The following TPST2 variants were observed in gnomAD, a reference collection of about 807,000 sequenced individuals.
TPST2 encodes the protein protein-tyrosine sulfotransferase 2.
In TPST2, 16 loss-of-function variants were observed where a neutral mutation model predicts 27.8. That is an observed-to-expected ratio of 0.58 (90% CI 0.39 to 0.88). The LOEUF (loss-of-function observed/expected upper bound fraction) is 0.88. TPST2 is among the 40% of genes least tolerant of loss of function. The pLI is 0.00. For missense variants in TPST2, 464 were observed against 543.1 expected (o/e 0.85, Z 1.45); for synonymous variants, 229 against 231.7 (o/e 0.99, Z 0.10).
chr22:26,548,127 T>C (rs1236849491), intron 1 of TPST2, among the ~76,000 whole-genome samples: 1 of 152,122 alleles, frequency 6.6e-6, no homozygotes, highest in African/African-American at 2.4e-5. Flanking sequence ...AATTTCAAAA[T>C]CTGAAATGCT....
At chr22:26,575,076 C>T (rs1278203126) in intron 1 of TPST2, among the ~76,000 whole-genome samples, 2 of 152,114 alleles carry the variant, frequency 1.3e-5, no homozygotes, top group Non-Finnish European at 1.5e-5. Context: ...ACCCTAGATG[C>T]AGGGGTAAGA....
intron 1 of TPST2, among the ~76,000 whole-genome samples, chr22:26,585,137 G>C (rs1186398911): frequency 6.6e-6 from 1 of 152,212 alleles, no homozygotes; most frequent in Non-Finnish European, 1.5e-5. Context: ...TGGAGCACCT[G>C]GATTCTAATA....
At chr22:26,586,878 G>A (rs916635439) in intron 1 of TPST2, among the ~76,000 whole-genome samples, 1 of 152,212 alleles carries the variant, frequency 6.6e-6, no homozygotes, top group African/African-American at 2.4e-5. Context: ...CAAAGAGTGT[G>A]AAGGAAGAAA....
In TPST2 at chr22:26,524,359, T is replaced by G. The variant is rs1161002080; in HGVS notation, c.*1916A>C. On this transcript the variant is annotated 3_prime_UTR_variant, in exon 7 of 7. Coordinates refer to ENST00000338754, the MANE Select transcript of TPST2 (RefSeq NM_003595.5). Reference sequence around the variant, plus strand: ...CTCGTCTCTACAGAAAAAAAAAAATTTAAAAAGTAGCCAGGTGTGGTGGCA... The same window carrying G: ...CTCGTCTCTACAGAAAAAAAAAAATGTAAAAAGTAGCCAGGTGTGGTGGCA... 1 of 151,792 alleles carries G rather than the reference T, an allele frequency of 6.6e-6. No individual in the cohort carries two copies. The highest frequency in any genetic ancestry group is 2.4e-5 in the African/African-American group (1 of 41,294). The allele number at this position is 151,792 out of a possible 1,614,324, so 9.4% of individuals were successfully genotyped here.
At chr22:26,557,668 G>A (rs1926870550) in intron 1 of TPST2, among the ~76,000 whole-genome samples, 1 of 151,800 alleles carries the variant, frequency 6.6e-6, no homozygotes, top group Admixed American at 6.6e-5. Flanking sequence ...AGGGGACACA[G>A]GCTCTCTCTG....
At chr22:26,552,984 C>T (rs533930438) in intron 1 of TPST2, among the ~76,000 whole-genome samples, 145 of 146,646 alleles carry the variant, frequency 9.9e-4, no homozygotes, top group African/African-American at 3.5e-3. Flanking sequence ...TGCTTGAACC[C>T]GGGAGGCGGA....
At position 26,541,517 on chromosome 22, in the gene TPST2, C is replaced by T. The variant is rs754140877; in HGVS notation, c.114G>A (p.Leu38=). 39 of 1,611,360 alleles carry T rather than the reference C, an allele frequency of 2.4e-5. No homozygotes were observed. The highest frequency in any genetic ancestry group is 3.1e-5 in the Non-Finnish European group (37 of 1,179,030). Residue 38 remains leucine (L), a synonymous_variant, in exon 3 of 7, where the codon CTG becomes CTA. Transcript: ENST00000338754. The surrounding 1 kb of genome is among the most constrained non-coding windows in gnomAD (Gnocchi z 5.9). The part of the protein sequence containing the change: ...VLECRAVLAG[L]RSPRGAMRPE... ...GCCGCATGGCCCCCCGGGGGCTCCG[C>T]AGGCCCGCCAGCACCGCCCGGCACT...
At chr22:26,563,689 A>G (rs1279635849) in intron 1 of TPST2, among the ~76,000 whole-genome samples, 1 of 152,116 alleles carries the variant, frequency 6.6e-6, no homozygotes, top group African/African-American at 2.4e-5. Flanking sequence ...CCATTCAGTT[A>G]GCCAAGGCCT....
chr22:26,566,421 C>T (rs568337331), intron 1 of TPST2, among the ~76,000 whole-genome samples: 11 of 152,086 alleles, frequency 7.2e-5, no homozygotes, highest in Admixed American at 2.0e-4. Context: ...CGTAGTGACA[C>T]GCACCTGTAG....
At chr22:26,559,962 T>C (rs1393027173) in intron 1 of TPST2, among the ~76,000 whole-genome samples, 5 of 152,176 alleles carry the variant, frequency 3.3e-5, no homozygotes, top group Non-Finnish European at 5.9e-5. Flanking sequence ...AAGCATATCA[T>C]ATCAATGTAT....
At chr22:26,551,877 CTTTTTCTTTTTT>C (rs1281169364) in intron 1 of TPST2, among the ~76,000 whole-genome samples, 3 of 110,454 alleles carry the variant, frequency 2.7e-5, no homozygotes, top group African/African-American at 7.2e-5. Context: ...CTTTTCTTTT[CTTTTTCTTTTTT>C]TTTTTTTTTT....
rs1400784986 is a variant in TPST2 at position 26,541,774 on chromosome 22, C to T, written c.-88-56G>A. On this transcript the variant is annotated intron_variant, in intron 2 of 6. Transcript: ENST00000338754. This position sits in a 1 kb window ranked among gnomAD's most constrained non-coding sequence, Gnocchi z 5.9. ...GGAGGTCTGTGAGCTGTGAGCTCTCCAATAACTGCAAAGCCCTATAACTGC... is the reference window on the plus strand; with the variant it reads ...GGAGGTCTGTGAGCTGTGAGCTCTCTAATAACTGCAAAGCCCTATAACTGC... 3 of 1,401,400 alleles carry T rather than the reference C, an allele frequency of 2.1e-6. No homozygotes were observed. In the African/African-American group the frequency reaches 4.4e-5, roughly 21 times the overall value. 86.8% of individuals were successfully genotyped at this position (1,401,400 alleles called of 1,614,324 possible). A position where few individuals can be genotyped will look rare whatever the true frequency, so the allele number is the denominator to read the frequency against.
intron 1 of TPST2, among the ~76,000 whole-genome samples, chr22:26,555,031 G>A (rs1294675233): frequency 1.3e-5 from 2 of 152,242 alleles, no homozygotes; most frequent in Non-Finnish European, 2.9e-5. Context: ...AAACTTTGGT[G>A]TGCTTCTGAA....
chr22:26,578,380 T>C (rs1247953414), intron 1 of TPST2, among the ~76,000 whole-genome samples: 1 of 152,138 alleles, frequency 6.6e-6, no homozygotes, highest in Non-Finnish European at 1.5e-5. Flanking sequence ...AAATGCAGAT[T>C]ATCAGGGCTC....
chr22:26,573,954 G>C (rs1358425327), intron 1 of TPST2, among the ~76,000 whole-genome samples: 1 of 152,196 alleles, frequency 6.6e-6, no homozygotes, highest in Non-Finnish European at 1.5e-5. Flanking sequence ...AAGGCTTTAA[G>C]AGCTGCTCAG....
intron 4 of TPST2, among the ~76,000 whole-genome samples, chr22:26,535,042 TC>T (rs1925373423): frequency 6.6e-6 from 1 of 152,090 alleles, no homozygotes; most frequent in African/African-American, 2.4e-5. Flanking sequence ...AGCTTACACT[TC>T]AATTACAAGG....
rs975435033 is a variant in TPST2 at position 26,560,779 on chromosome 22, C to T, written c.-160-16104G>A. The T allele has an allele frequency of 3.0e-5, 38 of 1,272,768 alleles. No homozygotes were observed. In the African/African-American group the frequency reaches 5.0e-4, roughly 17 times the overall value. 78.8% of individuals were successfully genotyped at this position (1,272,768 alleles called of 1,614,324 possible). ...ACCTATATCCCTCCCAAAGGGGAGA[C>T]AAAAAAGAAGTTCAAGGATCCGAAT... On this transcript the variant is annotated intron_variant, in intron 1 of 6. Coordinates refer to ENST00000338754, the MANE Select transcript of TPST2 (RefSeq NM_003595.5).
At chr22:26,550,892 C>T (rs960428651) in intron 1 of TPST2, among the ~76,000 whole-genome samples, 2 of 152,146 alleles carry the variant, frequency 1.3e-5, no homozygotes, top group East Asian at 1.9e-4. Flanking sequence ...AAAAATAATT[C>T]TGAAGCTCTG....
chr22:26,569,218 C>T lies in TPST2; in HGVS notation c.-161+20835G>A, dbSNP rs147780833. On this transcript the variant is annotated intron_variant, in intron 1 of 6. Coordinates refer to ENST00000338754, the MANE Select transcript of TPST2 (RefSeq NM_003595.5). The stretch of plus-strand genomic sequence containing the variant: ...AAGAACCCTCTCTTGGGGTCTGGAT[C>T]GGGACCCCGTTCCAGTAACAGTTCC... Among the ~76,000 whole-genome samples the T allele has an allele frequency of 3.0e-3, 452 of 152,192 alleles. 1 individual carries two copies. The highest frequency in any genetic ancestry group is 0.011 in the African/African-American group (444 of 41,538).
Sources: gnomAD v4.1 joint callset for allele counts (sites outside exome capture counted in the v4.1 genomes callset) on GRCh38, gnomAD v4.1.1 for gene constraint, Gnocchi (gnomAD v3.1) non-coding constraint, MANE v1.5 for transcripts, NCBI Gene and HGNC (gene_info 2026-07-23, HGNC 2026-07-21) for gene names.